The following THSD7B variants were observed in gnomAD, a reference collection of about 807,000 sequenced individuals.
The protein encoded by THSD7B is thrombospondin type 1 domain containing 7B.
A neutral mutation model predicts 213.6 loss-of-function variants in THSD7B; 138 were observed. That is an observed-to-expected ratio of 0.65 (90% CI 0.56 to 0.74). The LOEUF is 0.74. THSD7B is among the 30% of genes least tolerant of loss of function. The pLI is 0.00. For synonymous variants in THSD7B, 742 were observed against 687.0 expected, an observed-to-expected ratio of 1.08 and a Z score of -1.25; for missense variants, 1,931 against 1,991.5, an observed-to-expected ratio of 0.97 and a Z score of 0.58.
chr2:137,120,153 C>T (rs1333231333), intron 5 of THSD7B, among the ~76,000 whole-genome samples: 3 of 152,086 alleles, frequency 2.0e-5, no homozygotes, highest in East Asian at 3.9e-4. Flanking sequence ...TAATTAACAG[C>T]AGGATATTTG....
At chr2:137,199,456 A>G (rs1465494921) in intron 7 of THSD7B, among the ~76,000 whole-genome samples, 1 of 152,190 alleles carries the variant, frequency 6.6e-6, no homozygotes, top group African/African-American at 2.4e-5. Flanking sequence ...TTTTTAAAGT[A>G]TTTCATATGT....
chr2:136,782,788 ATG>A (rs1255529732), intron 1 of THSD7B, among the ~76,000 whole-genome samples: 3 of 152,184 alleles, frequency 2.0e-5, no homozygotes, highest in Non-Finnish European at 2.9e-5. Flanking sequence ...AATTATAACT[ATG>A]TGAGTTAATG....
At chr2:136,837,455 T>C (rs935926907) in intron 1 of THSD7B, among the ~76,000 whole-genome samples, 1 of 152,256 alleles carries the variant, frequency 6.6e-6, no homozygotes, top group Admixed American at 6.5e-5. Flanking sequence ...TTCACAAATC[T>C]GTGCTCTTCC....
At chr2:137,315,834 C>G (rs1228996853) in intron 12 of THSD7B, among the ~76,000 whole-genome samples, 1 of 152,198 alleles carries the variant, frequency 6.6e-6, no homozygotes, top group Non-Finnish European at 1.5e-5. Context: ...ATGTTAGAAT[C>G]TCTGCCTGTG....
rs1251555027 is a variant in THSD7B at position 136,882,301 on chromosome 2, G to C, written c.123G>C (p.Gln41His). The C allele has an allele frequency of 1.3e-6, 2 of 1,534,010 alleles. No individual in the cohort carries two copies. Among genetic ancestry groups the C allele is most frequent in the East Asian group, 2.5e-5 (1 of 39,646 alleles). Residue 41 changes from glutamine to histidine, a missense_variant, in exon 2 of 28, where the codon CAG (glutamine) becomes CAC (histidine). By Grantham distance (24) the Gln-to-His change is conservative (BLOSUM62 0). Coordinates refer to ENST00000409968, the MANE Select transcript of THSD7B (RefSeq NM_001316349.2). ...AAHLEGKKDNQFIWKPGPWGR... is the reference protein window; with the variant it reads ...AAHLEGKKDNHFIWKPGPWGR... ...ATTTGGAAGGCAAAAAGGATAATCAGTTCATCTGGAAACCAGGTAGGAATG... is the reference window on the plus strand; with the variant it reads ...ATTTGGAAGGCAAAAAGGATAATCACTTCATCTGGAAACCAGGTAGGAATG...
At chr2:137,667,245 A>C (rs1216041577) in intron 26 of THSD7B, among the ~76,000 whole-genome samples, 1 of 152,166 alleles carries the variant, frequency 6.6e-6, no homozygotes, top group Non-Finnish European at 1.5e-5. Flanking sequence ...TTGATTGACT[A>C]TCTTACATTT....
At chr2:137,507,640 C>A (rs1388678645) in intron 15 of THSD7B, among the ~76,000 whole-genome samples, 1 of 152,144 alleles carries the variant, frequency 6.6e-6, no homozygotes, top group African/African-American at 2.4e-5. Flanking sequence ...AATTTCCAAA[C>A]CTGAATTTTT....
chr2:137,060,385 A>AT lies in THSD7B; in HGVS notation c.950+3161dup, dbSNP rs201439199. On this transcript the variant is annotated intron_variant, in intron 3 of 27. Transcript: ENST00000409968. The stretch of plus-strand genomic sequence containing the variant: ...TTTTAATGAAGTCCAACTTCTCAAT[A>AT]TTTTTTCAAGGATCTTTTTTTTTTG... Among the ~76,000 whole-genome samples the AT allele has an allele frequency of 3.5e-3, 519 of 149,872 alleles. 8 individuals are homozygous for AT. The East Asian group carries it at 0.043, about 12-fold the overall frequency.
intron 12 of THSD7B, among the ~76,000 whole-genome samples, chr2:137,378,593 A>T (rs76965865): frequency 0.15 from 22,448 of 152,198 alleles, 2,139 homozygotes; most frequent in South Asian, 0.33. Flanking sequence ...TGTCTTATTT[A>T]ACACTTTTCT....
chr2:136,876,420 C>T lies in THSD7B; in HGVS notation c.-35-5724C>T, dbSNP rs148757148. ...GGCAATGATGTCTTCTGAAAAATGT[C>T]CAGACTAAAATCTTTGTATCAAATC... On this transcript the variant is annotated intron_variant, in intron 1 of 27. Transcript: ENST00000409968. Among the ~76,000 whole-genome samples, 5 of 152,242 alleles carry T rather than the reference C, an allele frequency of 3.3e-5. No homozygotes were observed. In the East Asian group the frequency reaches 7.7e-4, roughly 24 times the overall value.
At chr2:137,185,859 A>G (rs1680541217) in intron 7 of THSD7B, among the ~76,000 whole-genome samples, 1 of 152,186 alleles carries the variant, frequency 6.6e-6, no homozygotes, top group Non-Finnish European at 1.5e-5. Context: ...TCCCACCAAC[A>G]GTGTATAAGC....
intron 12 of THSD7B, among the ~76,000 whole-genome samples, chr2:137,319,486 T>G (rs1020565758): frequency 1.3e-5 from 2 of 152,222 alleles, no homozygotes; most frequent in Non-Finnish European, 1.5e-5. Context: ...TTGTGATATT[T>G]TCTGTGTCAC....
chr2:137,281,831 C>T (rs1227554405), intron 12 of THSD7B, among the ~76,000 whole-genome samples: 1 of 152,126 alleles, frequency 6.6e-6, no homozygotes, highest in Non-Finnish European at 1.5e-5. Flanking sequence ...GGTTCCAAGT[C>T]ATTGCTATTG....
intron 3 of THSD7B, among the ~76,000 whole-genome samples, chr2:137,072,355 T>A (rs1687511023): frequency 6.6e-6 from 1 of 152,158 alleles, no homozygotes. Context: ...AGGTATTTTA[T>A]TCTCTTTGAA....
At chr2:137,300,282 A>C (rs981493433) in intron 12 of THSD7B, among the ~76,000 whole-genome samples, 1 of 152,178 alleles carries the variant, frequency 6.6e-6, no homozygotes, top group South Asian at 2.1e-4. Flanking sequence ...TATTATAGCA[A>C]TATTTTTTAA....
chr2:137,627,714 C>G (rs1682657624), intron 20 of THSD7B, among the ~76,000 whole-genome samples: 1 of 152,080 alleles, frequency 6.6e-6, no homozygotes, highest in African/African-American at 2.4e-5. Flanking sequence ...GAAAATGTGA[C>G]TAAGAAAAAT....
intron 17 of THSD7B, among the ~76,000 whole-genome samples, chr2:137,595,163 A>T (rs1384045384): frequency 2.0e-5 from 3 of 151,866 alleles, no homozygotes; most frequent in Non-Finnish European, 4.4e-5. Context: ...ATATTTTATC[A>T]CTCTAGCATA....
chr2:137,624,058 T>C (rs895133251), intron 20 of THSD7B, among the ~76,000 whole-genome samples: 3 of 152,162 alleles, frequency 2.0e-5, no homozygotes, highest in Non-Finnish European at 4.4e-5. Flanking sequence ...GTAGGCTTCA[T>C]GCTACCTGAC....
At chr2:136,857,419 A>G (rs371901746) in intron 1 of THSD7B, among the ~76,000 whole-genome samples, 2 of 152,166 alleles carry the variant, frequency 1.3e-5, no homozygotes, top group African/African-American at 4.8e-5. Flanking sequence ...AAGTGGCAGC[A>G]ACTTGTGCTT....
Sources: gnomAD v4.1 joint callset for allele counts (sites outside exome capture counted in the v4.1 genomes callset) on GRCh38, gnomAD v4.1.1 for gene constraint, MANE v1.5 for transcripts, NCBI Gene and HGNC (gene_info 2026-07-23, HGNC 2026-07-21) for gene names.